Variants in HYCC2 observed in about 807,000 individuals in gnomAD.
HYCC2 encodes the protein hyccin 2.
the HYCC2 span, among the ~76,000 whole-genome samples, chr2:201,036,175 C>CT: frequency 6.6e-6 from 1 of 152,166 alleles, no homozygotes; most frequent in East Asian, 1.9e-4. Flanking sequence ...CACATATACC[C>CT]TCCCAAGACT....
At chr2:201,028,518 C>T in the HYCC2 span, among the ~76,000 whole-genome samples, 285 of 152,206 alleles carry the variant, frequency 1.9e-3, 3 homozygotes, top group African/African-American at 6.7e-3. Context: ...CAATCCTAAG[C>T]CAAAAGAACA....
chr2:201,048,202 G>A, the HYCC2 span, among the ~76,000 whole-genome samples: 10 of 151,922 alleles, frequency 6.6e-5, no homozygotes, highest in Admixed American at 1.3e-4. Flanking sequence ...AGTTAAAGAA[G>A]GAAGTTGTAA....
At chr2:201,009,636 T>G in the HYCC2 span, among the ~76,000 whole-genome samples, 1 of 152,080 alleles carries the variant, frequency 6.6e-6, no homozygotes, top group African/African-American at 2.4e-5. Flanking sequence ...ATTTTTGTAT[T>G]TTTAGTAGAG....
the HYCC2 span, among the ~76,000 whole-genome samples, chr2:201,070,695 C>T: frequency 3.9e-5 from 6 of 152,054 alleles, no homozygotes; most frequent in Non-Finnish European, 8.8e-5. Flanking sequence ...TTCAGACCAC[C>T]ACCTTATTTG....
the HYCC2 span, among the ~76,000 whole-genome samples, chr2:200,993,887 G>A: frequency 4.6e-5 from 7 of 151,742 alleles, no homozygotes; most frequent in African/African-American, 1.2e-4. Flanking sequence ...CGAGAATGGC[G>A]TGAACCTGGG....
chr2:201,051,123 A>G, the HYCC2 span, among the ~76,000 whole-genome samples: 1 of 152,238 alleles, frequency 6.6e-6, no homozygotes, highest in African/African-American at 2.4e-5. Flanking sequence ...TACTCCAGGC[A>G]TATAACGGCA....
At chr2:200,978,615 A>ACAGGCGC in the HYCC2 span, 1 of 151,888 alleles carries the variant, frequency 6.6e-6, no homozygotes. Context: ...AGCTGGGATT[A>ACAGGCGC]CAGGCGCCTG....
At chr2:201,017,556 A>T in the HYCC2 span, among the ~76,000 whole-genome samples, 1 of 152,222 alleles carries the variant, frequency 6.6e-6, no homozygotes, top group African/African-American at 2.4e-5. Context: ...TGCTGGGAAT[A>T]AACTTAAAAT....
chr2:201,059,200 C>T, the HYCC2 span, among the ~76,000 whole-genome samples: 1,101 of 152,316 alleles, frequency 7.2e-3, 16 homozygotes, highest in African/African-American at 0.025. Flanking sequence ...CGGGACTTGT[C>T]AGCCTCCTAA....
chr2:200,995,875 AAC>A, the HYCC2 span, among the ~76,000 whole-genome samples: 1 of 152,220 alleles, frequency 6.6e-6, no homozygotes, highest in African/African-American at 2.4e-5. Flanking sequence ...ATAGAAAACT[AAC>A]ACAACATTTA....
the HYCC2 span, among the ~76,000 whole-genome samples, chr2:201,069,101 C>T: frequency 2.6e-5 from 4 of 152,258 alleles, no homozygotes; most frequent in African/African-American, 4.8e-5. Context: ...CACTATGTAG[C>T]ATTGGTTTTT....
chr2:200,992,790 A>T, the HYCC2 span: 1 of 805,484 alleles, frequency 1.2e-6, no homozygotes, highest in Admixed American at 2.4e-5. Context: ...CATGGAACAA[A>T]AGATTCAGTA....
chr2:201,046,898 A>T, the HYCC2 span, among the ~76,000 whole-genome samples: 1 of 152,132 alleles, frequency 6.6e-6, no homozygotes, highest in African/African-American at 2.4e-5. Flanking sequence ...TCTGGCACAC[A>T]ATTTAAAAAT....
chr2:201,045,571 T>A, the HYCC2 span: 6 of 398,102 alleles, frequency 1.5e-5, no homozygotes, highest in South Asian at 7.4e-4. Flanking sequence ...ATTCATTTGT[T>A]AAGAGTTAAA....
chr2:201,037,241 AG>A, the HYCC2 span, among the ~76,000 whole-genome samples: 1 of 152,248 alleles, frequency 6.6e-6, no homozygotes, highest in Non-Finnish European at 1.5e-5. Context: ...GAAATAAAAG[AG>A]GGCATAAAAA....
the HYCC2 span, among the ~76,000 whole-genome samples, chr2:200,998,577 C>T: frequency 0.042 from 6,397 of 152,230 alleles, 206 homozygotes; most frequent in Admixed American, 0.083. Flanking sequence ...GTGTCCAGCA[C>T]GGTGTCTAAT....
the HYCC2 span, chr2:201,064,156 T>C: frequency 1.2e-6 from 1 of 858,036 alleles, no homozygotes; most frequent in Non-Finnish European, 1.9e-6. Flanking sequence ...TGGCAGGGCC[T>C]AGCTGCTACA....
chr2:201,060,342 T>A, the HYCC2 span, among the ~76,000 whole-genome samples: 9 of 152,176 alleles, frequency 5.9e-5, no homozygotes, highest in African/African-American at 1.7e-4. Flanking sequence ...TTTCTGAACC[T>A]TACCTGTAGC....
At chr2:200,995,293 C>T in the HYCC2 span, among the ~76,000 whole-genome samples, 5 of 152,050 alleles carry the variant, frequency 3.3e-5, no homozygotes, top group Non-Finnish European at 5.9e-5. Context: ...GGATCTCTTC[C>T]CAGTAACAAA....
Sources: gnomAD v4.1 joint callset for allele counts (sites outside exome capture counted in the v4.1 genomes callset) on GRCh38, gnomAD v4.1.1 for gene constraint, MANE v1.5 for transcripts, NCBI Gene and HGNC (gene_info 2026-07-23, HGNC 2026-07-21) for gene names.